Variants in SERPINH1 observed in about 807,000 individuals in gnomAD.
SERPINH1 encodes serpin family H member 1, also known as serpin H1.
Under a neutral mutation model 32.3 loss-of-function variants are expected in SERPINH1, and 22 were observed. The ratio of observed to expected loss-of-function variants is 0.68; its 90% confidence interval spans 0.49 to 0.97. The LOEUF (loss-of-function observed/expected upper bound fraction) is 0.97, where lower values mean the gene tolerates loss of function less well. SERPINH1 is among the 50% of genes least tolerant of loss of function. The probability of loss-of-function intolerance (pLI) is 0.00; values close to 1 mark genes in which losing one functional copy is unlikely to be tolerated. For missense variants in SERPINH1, 543 were observed against 576.4 expected, an observed-to-expected ratio of 0.94 and a Z score of 0.59; for synonymous variants, 251 against 245.9, an observed-to-expected ratio of 1.02 and a Z score of -0.19.
At chr11:75,566,107 G>A (rs1333385448) in intron 1 of SERPINH1, among the ~76,000 whole-genome samples, 2 of 152,244 alleles carry the variant, frequency 1.3e-5, no homozygotes, top group African/African-American at 4.8e-5. Context: ...AGGTGGTCTG[G>A]TGGTGACTTG....
Position 75,572,070 on chromosome 11 carries a change from G to A in SERPINH1, c.1244G>A (p.Arg415Gln), listed in dbSNP as rs760141322. ...GTCCGGCCTAAGGGTGACAAGATGC[G>A]AGACGAGTTATAGGGCCTCAGGGTG... ...RLVRPKGDKM[R>Q]DEL The change falls in exon 5 of 5, where the codon CGA (arginine) becomes CAA (glutamine). Residue 415 changes from arginine to glutamine, a missense_variant. Transcript: ENST00000358171. The A allele has an allele frequency of 2.5e-6, 4 of 1,613,994 alleles. No individual in the cohort carries two copies. Among genetic ancestry groups the A allele is most frequent in the South Asian group, 1.1e-5 (1 of 91,084 alleles).
At chr11:75,565,939 C>T (rs1942065536) in intron 1 of SERPINH1, among the ~76,000 whole-genome samples, 1 of 152,234 alleles carries the variant, frequency 6.6e-6, no homozygotes, top group Non-Finnish European at 1.5e-5. Context: ...TCAGGAAGAG[C>T]TGAGGCCTAC....
rs138193444 is a variant in SERPINH1, at chr11:75,568,838, T to C, written c.721+9T>C. On this transcript the variant is annotated intron_variant, in intron 3 of 4. Coordinates refer to ENST00000358171, the MANE Select transcript of SERPINH1 (RefSeq NM_001235.5). The stretch of plus-strand genomic sequence containing the variant: ...GATGATGCACCGGACAGGTAGGTGC[T>C]GTGAGGAGCAGGGTGTCAAGGTGGG... 526 of 1,611,768 alleles carry C rather than the reference T, an allele frequency of 3.3e-4. 1 individual carries two copies. In the African/African-American group the frequency reaches 4.6e-3, roughly 14 times the overall value.
At chr11:75,568,149 C>G (rs1445900643) in intron 2 of SERPINH1, 1 of 166,188 alleles carries the variant, frequency 6.0e-6, no homozygotes, top group Non-Finnish European at 1.3e-5. Flanking sequence ...ATTAGCCAGG[C>G]GTGGTGGCGC....
In SERPINH1 at chr11:75,566,387, T is replaced by A. The variant is rs767726256; in HGVS notation, c.38T>A (p.Leu13Gln). Residue 13 changes from leucine to glutamine, a missense_variant, in exon 2 of 5, where the codon CTG becomes CAG. Physicochemically the swap from Leu to Gln is moderately radical, Grantham distance 113 (BLOSUM62 -2). This residue lies in a region of SERPINH1 where 109 missense variants were observed against 102.4 expected (regional missense o/e 1.06). Transcript: ENST00000358171. ...CTGCTTCTCAGCGCCTTCTGCCTCC[T>A]GGAGGCGGCCCTGGCCGCCGAGGTG... ...SLLLLSAFCL[L>Q]EAALAAEVKK... 6.2e-7 allele frequency: 1 copy of A among 1,610,638 alleles called. No individual in the cohort carries two copies. Among genetic ancestry groups the A allele is most frequent in the Non-Finnish European group, 8.5e-7 (1 of 1,179,150 alleles).
chr11:75,567,580 C>G (rs1167642479), intron 2 of SERPINH1, among the ~76,000 whole-genome samples: 1 of 152,190 alleles, frequency 6.6e-6, no homozygotes, highest in Non-Finnish European at 1.5e-5. Context: ...CCTCGGCCTC[C>G]CAAAGTGCTG....
In SERPINH1 at chr11:75,565,441, C is replaced by T. The variant is rs546362010; in HGVS notation, c.-34-875C>T. The stretch of plus-strand genomic sequence containing the variant: ...CAGGAAGCCTCCTCCCCAGCCCCAC[C>T]GAGTCTTCAAAGGAGTTGGTCCCCC... On this transcript the variant is annotated intron_variant, in intron 1 of 4. Coordinates refer to ENST00000358171, the MANE Select transcript of SERPINH1 (RefSeq NM_001235.5). Among the ~76,000 whole-genome samples, 405 of 152,292 alleles carry T rather than the reference C, an allele frequency of 2.7e-3. 2 individuals carry two copies. The highest frequency in any genetic ancestry group is 9.2e-3 in the African/African-American group (382 of 41,564).
At chr11:75,568,336 C>A in intron 2 of SERPINH1, 1 of 331,446 alleles carries the variant, frequency 3.0e-6, no homozygotes, top group South Asian at 2.8e-5. Context: ...TCATGGGGCA[C>A]TCCCTGCCCA....
At chr11:75,570,505 C>G (rs1201288615) in intron 4 of SERPINH1, among the ~76,000 whole-genome samples, 17 of 152,148 alleles carry the variant, frequency 1.1e-4, no homozygotes. Flanking sequence ...ACCCCACCCC[C>G]CAGATATGGG....
chr11:75,565,724 G>A (rs604021), intron 1 of SERPINH1, among the ~76,000 whole-genome samples: 1 of 152,078 alleles, frequency 6.6e-6, no homozygotes, highest in African/African-American at 2.4e-5. Context: ...TCCCAGAGCA[G>A]AATGAAAGGC....
At chr11:75,564,196 G>A (rs568053259) in intron 1 of SERPINH1, among the ~76,000 whole-genome samples, 8 of 152,244 alleles carry the variant, frequency 5.3e-5, no homozygotes, top group Non-Finnish European at 1.2e-4. Context: ...TCTGCCGGCC[G>A]GTGGAGATAG....
At position 75,566,346 on chromosome 11, in the gene SERPINH1, G is replaced by A. The variant is rs939839075; in HGVS notation, c.-4G>A. 2.9e-5 allele frequency: 47 copies of A among 1,607,090 alleles called. No homozygotes were observed. The highest frequency in any genetic ancestry group is 3.9e-5 in the Non-Finnish European group (46 of 1,177,662). On this transcript the variant is annotated 5_prime_UTR_variant, in exon 2 of 5. Coordinates refer to ENST00000358171, the MANE Select transcript of SERPINH1 (RefSeq NM_001235.5). ...CCGTGGTGCACGCAAACCACTTCCT[G>A]GCCATGCGCTCCCTCCTGCTTCTCA...
chr11:75,566,451 G>A lies in SERPINH1; in HGVS notation c.102G>A (p.Glu34=), dbSNP rs555812743. 1.5e-4 allele frequency: 237 copies of A among 1,612,396 alleles called. No homozygotes were observed. The highest frequency in any genetic ancestry group is 1.8e-4 in the Non-Finnish European group (213 of 1,179,822). ...PAAAAAPGTA[E]KLSPKAATLA... is the part of the protein sequence containing the mutation. ...CCGCAGCAGCTCCTGGCACTGCGGA[G>A]AAGTTGAGCCCCAAGGCGGCCACGC... is the stretch of plus-strand genomic sequence containing the variant. The change falls in exon 2 of 5, where the codon GAG becomes GAA. Residue 34 remains glutamate, a synonymous_variant. Coordinates refer to ENST00000358171, the MANE Select transcript of SERPINH1 (RefSeq NM_001235.5).
At chr11:75,565,395 T>A (rs1009612172) in intron 1 of SERPINH1, among the ~76,000 whole-genome samples, 1 of 152,224 alleles carries the variant, frequency 6.6e-6, no homozygotes, top group African/African-American at 2.4e-5. Context: ...TTTTCCCTAG[T>A]ATCCTGTCCT....
At position 75,572,545 on chromosome 11, in the gene SERPINH1, C is replaced by T. The variant is rs1942217975; in HGVS notation, c.*462C>T. The T allele has an allele frequency of 4.7e-6, 1 of 212,706 alleles. No homozygotes were observed. The highest frequency in any genetic ancestry group is 2.3e-5 in the African/African-American group (1 of 43,756). The allele number at this position is 212,706 out of a possible 1,614,324, so 13.2% of individuals were successfully genotyped here. A position where few individuals can be genotyped will look rare whatever the true frequency, so the allele number is the denominator to read the frequency against. On this transcript the variant is annotated 3_prime_UTR_variant, in exon 5 of 5. Coordinates refer to ENST00000358171, the MANE Select transcript of SERPINH1 (RefSeq NM_001235.5). Reference sequence around the variant, plus strand: ...TGCTGCAGCCCCTGGGACCAGGCACCCCCAGAATGACCTGGCCGCAGTGAG... The same window carrying T: ...TGCTGCAGCCCCTGGGACCAGGCACTCCCAGAATGACCTGGCCGCAGTGAG...
In SERPINH1 at chr11:75,566,686, G is replaced by A. The variant is rs1942084721; in HGVS notation, c.337G>A (p.Glu113Lys). ...RDEEVHAGLG[E>K]LLRSLSNSTA... ...CGAGGAGGTGCACGCCGGCCTGGGC[G>A]AGCTGCTGCGCTCACTCAGCAACTC... is the stretch of plus-strand genomic sequence containing the variant. Residue 113 changes from glutamate to lysine, a missense_variant, in exon 2 of 5, where the codon GAG becomes AAG. Physicochemically the swap from Glu to Lys is moderately conservative, Grantham distance 56. Coordinates refer to ENST00000358171, the MANE Select transcript of SERPINH1 (RefSeq NM_001235.5). The A allele has an allele frequency of 6.2e-7, 1 of 1,609,716 alleles. No homozygotes were observed. Among genetic ancestry groups the A allele is most frequent in the African/African-American group, 1.3e-5 (1 of 74,988 alleles).
At chr11:75,562,719 G>C (rs747035422) in intron 1 of SERPINH1, 1 of 152,466 alleles carries the variant, frequency 6.6e-6, no homozygotes, top group African/African-American at 2.4e-5. Context: ...GCCTCTTCCC[G>C]CAAGGGTAGG....
intron 4 of SERPINH1, 98 bp downstream of exon 4, chr11:75,569,269 C>T (rs1382650746): frequency 2.4e-6 from 2 of 845,956 alleles, no homozygotes; most frequent in Non-Finnish European, 1.9e-6. Context: ...TCCCAAGACC[C>T]CCTGGATGTC....
Position 75,565,742 on chromosome 11 carries a change from C to T in SERPINH1, c.-34-574C>T, listed in dbSNP as rs552280340. 3.9e-5 allele frequency among the ~76,000 whole-genome samples: 6 copies of T among 152,298 alleles called. No homozygotes were observed. In the East Asian group the frequency reaches 5.8e-4, roughly 15 times the overall value. On this transcript the variant is annotated intron_variant, in intron 1 of 4. Transcript: ENST00000358171. ...CAGAGCAGAATGAAAGGCATGGGGGCGGGGCAGCCCTCCGGCTCTGTCCCT... is the reference window on the plus strand; with the variant it reads ...CAGAGCAGAATGAAAGGCATGGGGGTGGGGCAGCCCTCCGGCTCTGTCCCT...
Sources: allele counts gnomAD v4.1 joint callset (sites outside exome capture counted in the v4.1 genomes callset), GRCh38; gene constraint gnomAD v4.1.1; regional missense constraint gnomAD v4.1.1; transcripts MANE v1.5; gene names NCBI Gene and HGNC (gene_info 2026-07-23, HGNC 2026-07-21).